Variants in RABGAP1L observed in about 807,000 individuals in gnomAD.
The protein encoded by RABGAP1L is rab GTPase-activating protein 1-like.
RABGAP1L carries 63 observed loss-of-function variants against 137.7 expected under a neutral mutation model. That is an observed-to-expected ratio of 0.46 (90% confidence interval 0.37 to 0.56). RABGAP1L has a LOEUF of 0.56. RABGAP1L is among the 20% of genes least tolerant of loss of function. The probability of loss-of-function intolerance (pLI) is 0.00; values close to 1 mark genes in which losing one functional copy is unlikely to be tolerated. For synonymous variants in RABGAP1L, 431 were observed against 433.7 expected, an observed-to-expected ratio of 0.99 and a Z score of 0.08; for missense variants, 1,095 against 1,244.0, an observed-to-expected ratio of 0.88 and a Z score of 1.80.
intron 11 of RABGAP1L, among the ~76,000 whole-genome samples, chr1:174,306,943 C>A (rs898166073): frequency 6.6e-6 from 1 of 152,046 alleles, no homozygotes; most frequent in African/African-American, 2.4e-5. Context: ...AATTCTCAGT[C>A]TTGCTTCTGT....
At chr1:174,972,245 G>T (rs1354516340) in intron 21 of RABGAP1L, among the ~76,000 whole-genome samples, 1 of 152,208 alleles carries the variant, frequency 6.6e-6, no homozygotes, top group Admixed American at 6.5e-5. Context: ...TCTCACCATA[G>T]CAAGTTCTGT....
intron 14 of RABGAP1L, among the ~76,000 whole-genome samples, chr1:174,679,141 A>G (rs1226036862): frequency 6.6e-6 from 1 of 152,142 alleles, no homozygotes; most frequent in African/African-American, 2.4e-5. Flanking sequence ...CAGGCGATAG[A>G]TGATTGGCTA....
At chr1:174,497,763 T>C (rs932244010) in intron 13 of RABGAP1L, among the ~76,000 whole-genome samples, 1 of 152,238 alleles carries the variant, frequency 6.6e-6, no homozygotes, top group Non-Finnish European at 1.5e-5. Context: ...AGTGACCTTG[T>C]CATTTGAACA....
intron 25 of RABGAP1L, among the ~76,000 whole-genome samples, chr1:174,989,175 A>T (rs910949395): frequency 6.6e-6 from 1 of 151,976 alleles, no homozygotes; most frequent in Non-Finnish European, 1.5e-5. Flanking sequence ...GAAAAACCAA[A>T]CCCCCTCTGC....
chr1:174,605,878 T>A (rs200932110), intron 13 of RABGAP1L, among the ~76,000 whole-genome samples: 1 of 152,226 alleles, frequency 6.6e-6, no homozygotes, highest in Non-Finnish European at 1.5e-5. Flanking sequence ...TGATGATTTA[T>A]TTGGGGGCAT....
intron 13 of RABGAP1L, among the ~76,000 whole-genome samples, chr1:174,455,866 A>G (rs1355824765): frequency 6.6e-6 from 1 of 152,136 alleles, no homozygotes; most frequent in African/African-American, 2.4e-5. Flanking sequence ...CATTTCACAT[A>G]TAGGAATCTG....
rs1340388246 is a variant in RABGAP1L at position 174,761,339 on chromosome 1, G to A, written c.2211+8985G>A. Reference sequence around the variant, plus strand: ...CACTTGGATGGTTGCACAGCAGTCCGGCAGAGGCGCTCCTCACTTGCCAGA... The same window carrying A: ...CACTTGGATGGTTGCACAGCAGTCCAGCAGAGGCGCTCCTCACTTGCCAGA... On this transcript the variant is annotated intron_variant, in intron 18 of 25. Transcript: ENST00000681986. This position sits in a 1 kb window ranked among gnomAD's most constrained non-coding sequence, Gnocchi z 4.0. Among the ~76,000 whole-genome samples, 2 of 152,214 alleles carry A rather than the reference G, an allele frequency of 1.3e-5. No homozygotes were observed. Among genetic ancestry groups the A allele is most frequent in the African/African-American group, 2.4e-5 (1 of 41,460 alleles).
intron 13 of RABGAP1L, among the ~76,000 whole-genome samples, chr1:174,569,042 C>G (rs1667795847): frequency 6.6e-6 from 1 of 152,130 alleles, no homozygotes; most frequent in African/African-American, 2.4e-5. Context: ...ATTATTGTCT[C>G]CATTTTATAG....
intron 19 of RABGAP1L, among the ~76,000 whole-genome samples, chr1:174,886,512 C>T (rs938939900): frequency 1.3e-5 from 2 of 152,226 alleles, no homozygotes; most frequent in Non-Finnish European, 2.9e-5. Context: ...TTATCCGACA[C>T]AGTCAGGGCT....
At chr1:174,777,233 T>TC in intron 18 of RABGAP1L, among the ~76,000 whole-genome samples, 2 of 152,318 alleles carry the variant, frequency 1.3e-5, no homozygotes, top group Admixed American at 1.3e-4. Context: ...TAGCACATGG[T>TC]CCAGACCTTT....
intron 11 of RABGAP1L, among the ~76,000 whole-genome samples, chr1:174,312,223 G>T (rs527391939): frequency 1.3e-5 from 2 of 152,088 alleles, no homozygotes; most frequent in Non-Finnish European, 2.9e-5. Flanking sequence ...AGTGTACAAG[G>T]GTTCTTTTAT....
chr1:174,721,026 T>C (rs1681486932), intron 17 of RABGAP1L, among the ~76,000 whole-genome samples: 1 of 152,232 alleles, frequency 6.6e-6, no homozygotes, highest in Admixed American at 6.5e-5. Flanking sequence ...AATATGGCTC[T>C]AGAAATCTAC....
chr1:174,792,648 A>C (rs889297086), intron 18 of RABGAP1L, among the ~76,000 whole-genome samples: 2 of 152,264 alleles, frequency 1.3e-5, no homozygotes, highest in Non-Finnish European at 2.9e-5. Flanking sequence ...AAAGTACATC[A>C]AATTATACAT....
intron 19 of RABGAP1L, among the ~76,000 whole-genome samples, chr1:174,883,278 G>C (rs570471475): frequency 2.0e-5 from 3 of 152,308 alleles, no homozygotes; most frequent in East Asian, 3.9e-4. Context: ...GAGGTTATTT[G>C]AGAGCACTTG....
chr1:174,914,597 AATAT>A (rs1397343453), intron 19 of RABGAP1L, among the ~76,000 whole-genome samples: 3 of 152,192 alleles, frequency 2.0e-5, no homozygotes, highest in African/African-American at 7.2e-5. Flanking sequence ...GCTTTATATT[AATAT>A]ATAGTGGTTT....
Position 174,210,491 on chromosome 1 carries a change from C to A in RABGAP1L, c.-33-8634C>A, listed in dbSNP as rs150981727. ...CTTTTAATAGCAGAATTGATCAAGC[C>A]GAAGGAAGAATTTGTGAACTTGAAG... is the stretch of plus-strand genomic sequence containing the variant. On this transcript the variant is annotated intron_variant, in intron 1 of 25. Transcript: ENST00000681986. Among the ~76,000 whole-genome samples, 86 of 151,982 alleles carry A rather than the reference C, an allele frequency of 5.7e-4. 1 individual carries two copies. Among genetic ancestry groups the A allele is most frequent in the African/African-American group, 1.9e-3 (78 of 41,460 alleles).
At chr1:174,584,437 T>G (rs1392202750) in intron 13 of RABGAP1L, among the ~76,000 whole-genome samples, 1 of 152,120 alleles carries the variant, frequency 6.6e-6, no homozygotes, top group South Asian at 2.1e-4. Flanking sequence ...CTAAGAAATA[T>G]CATTCTTGGG....
intron 1 of RABGAP1L, among the ~76,000 whole-genome samples, chr1:174,160,957 A>G (rs1267289649): frequency 6.6e-6 from 1 of 152,182 alleles, no homozygotes; most frequent in East Asian, 1.9e-4. Context: ...TCATTTTCTC[A>G]GTAGAGCGTC....
intron 11 of RABGAP1L, among the ~76,000 whole-genome samples, chr1:174,344,093 A>G (rs780469325): frequency 1.3e-5 from 2 of 152,158 alleles, no homozygotes; most frequent in Admixed American, 6.5e-5. Context: ...TCATGTTTCA[A>G]CTGACCTAAG....
Sources: allele counts gnomAD v4.1 joint callset (sites outside exome capture counted in the v4.1 genomes callset), GRCh38; gene constraint gnomAD v4.1.1; non-coding constraint Gnocchi (gnomAD v3.1); transcripts MANE v1.5; gene names NCBI Gene and HGNC (gene_info 2026-07-23, HGNC 2026-07-21).